Variants in WT1 observed in about 807,000 individuals in gnomAD.
WT1 encodes Wilms tumor protein.
WT1 carries 8 observed loss-of-function variants against 60.8 expected under a neutral mutation model. The observed-to-expected ratio is 0.13, with a 90% CI of 0.08 to 0.24. The LOEUF (loss-of-function observed/expected upper bound fraction) is 0.24. WT1 is among the 10% of genes least tolerant of loss of function. The pLI, the probability that WT1 is intolerant of heterozygous loss-of-function variation, is 1.00. For missense variants in WT1, 568 were observed against 711.8 expected (o/e 0.80, Z 2.30); for synonymous variants, 312 against 297.1 (o/e 1.05, Z -0.52).
At chr11:32,428,165 G>A (rs1025963913) in intron 2 of WT1, 107 bp from the exon 3 acceptor site, 1 of 1,105,356 alleles carries the variant, frequency 9.0e-7, no homozygotes, top group African/African-American at 1.6e-5. Flanking sequence ...CTGGGGCACT[G>A]GGGCCTGGAT....
At chr11:32,423,928 C>T (rs1041804897) in intron 3 of WT1, among the ~76,000 whole-genome samples, 3 of 152,008 alleles carry the variant, frequency 2.0e-5, no homozygotes, top group Admixed American at 6.5e-5. Context: ...TTTGGGAGGC[C>T]CAGGCGGGTG....
At chr11:32,408,759 G>T (rs977016168) in intron 5 of WT1, among the ~76,000 whole-genome samples, 4 of 152,114 alleles carry the variant, frequency 2.6e-5, no homozygotes, top group Non-Finnish European at 4.4e-5. Flanking sequence ...AGTCTGAGAA[G>T]AAAAGGGAGG....
intron 5 of WT1, among the ~76,000 whole-genome samples, chr11:32,406,272 A>G (rs1280946969): frequency 6.6e-6 from 1 of 152,112 alleles, no homozygotes; most frequent in African/African-American, 2.4e-5. Flanking sequence ...GTTCCACCTC[A>G]GATCGTCAGG....
chr11:32,400,388 G>A, intron 5 of WT1: 1 of 402,472 alleles, frequency 2.5e-6, no homozygotes, highest in Middle Eastern at 8.0e-4. Context: ...ACAGCTGCAG[G>A]TATCTCAGGA....
chr11:32,396,445 C>T (rs1341790107), intron 6 of WT1, 38 bp from the exon 7 acceptor site: 2 of 1,610,044 alleles, frequency 1.2e-6, no homozygotes, highest in Non-Finnish European at 1.7e-6. Flanking sequence ...GGCTTTAAGC[C>T]ACATGTGAAC....
At chr11:32,418,907 C>T (rs1371703642) in intron 3 of WT1, among the ~76,000 whole-genome samples, 1 of 152,186 alleles carries the variant, frequency 6.6e-6, no homozygotes, top group Non-Finnish European at 1.5e-5. Context: ...AGGAGGAAAT[C>T]AGATTCCAGG....
intron 5 of WT1, among the ~76,000 whole-genome samples, chr11:32,407,980 C>A (rs1301806651): frequency 6.6e-6 from 1 of 151,604 alleles, no homozygotes. Flanking sequence ...CCCAGCACTA[C>A]GGGAGGCTGA....
Position 32,394,931 on chromosome 11 carries a change from G to C in WT1, c.1264+1326C>G, listed in dbSNP as rs544737086. Among the ~76,000 whole-genome samples, 6 of 152,294 alleles carry C rather than the reference G, an allele frequency of 3.9e-5. No homozygotes were observed. The East Asian group carries it at 1.2e-3, about 29-fold the overall frequency. On this transcript the variant is annotated intron_variant, in intron 7 of 9. Transcript: ENST00000452863. ...TTATTCCCTTGCATTTTTCAGGCAGGACTTTACTTTCTCGTTTTCCTTATA... is the reference window on the plus strand; with the variant it reads ...TTATTCCCTTGCATTTTTCAGGCAGCACTTTACTTTCTCGTTTTCCTTATA...
intron 5 of WT1, among the ~76,000 whole-genome samples, chr11:32,415,644 T>C (rs1039840226): frequency 6.6e-6 from 1 of 152,046 alleles, no homozygotes; most frequent in Non-Finnish European, 1.5e-5. Context: ...CTAAACTCCG[T>C]CTCAAAAAGA....
At chr11:32,430,925 G>GCAGGGGC (rs1345089736) in intron 1 of WT1, 1 of 1,027,154 alleles carries the variant, frequency 9.7e-7, no homozygotes, top group Non-Finnish European at 1.2e-6. Context: ...GAGTGCGGGG[G>GCAGGGGC]CAGGGGCCAG....
chr11:32,397,017 T>C (rs1017889981), intron 6 of WT1, among the ~76,000 whole-genome samples: 4 of 152,186 alleles, frequency 2.6e-5, no homozygotes, highest in Non-Finnish European at 4.4e-5. Flanking sequence ...CAACCTTTAA[T>C]AGTGAGGCCA....
chr11:32,417,009 T>C (rs996414169), intron 4 of WT1, among the ~76,000 whole-genome samples: 1 of 152,194 alleles, frequency 6.6e-6, no homozygotes, highest in African/African-American at 2.4e-5. Flanking sequence ...TGAAAGCAAG[T>C]CCCACCTGCC....
At chr11:32,428,148 C>T in intron 2 of WT1, 90 bp from the exon 3 acceptor site, 1 of 1,241,028 alleles carries the variant, frequency 8.1e-7, no homozygotes, top group Non-Finnish European at 1.1e-6. Context: ...GACACGAGAT[C>T]CTGAGCCTGG....
rs370356248 is a variant in WT1 at position 32,416,079 on chromosome 11, G to C, written c.1016+411C>G. 2.3e-4 allele frequency among the ~76,000 whole-genome samples: 35 copies of C among 152,266 alleles called. No individual in the cohort carries two copies. In the East Asian group the frequency reaches 6.2e-3, roughly 27 times the overall value. On this transcript the variant is annotated intron_variant, in intron 5 of 9. Transcript: ENST00000452863. ...AAAAAACAAGTCTTTTCAAAGCCTGGCCTCAGACTTAGGGTAAGTTCTCCC... is the reference window on the plus strand; with the variant it reads ...AAAAAACAAGTCTTTTCAAAGCCTGCCCTCAGACTTAGGGTAAGTTCTCCC...
At chr11:32,398,544 C>T (rs916374747) in intron 6 of WT1, among the ~76,000 whole-genome samples, 1 of 152,188 alleles carries the variant, frequency 6.6e-6, no homozygotes, top group African/African-American at 2.4e-5. Context: ...GTTCACCATC[C>T]TCTGCCTCCC....
chr11:32,399,812 T>C, intron 6 of WT1, 136 bp downstream of exon 6: 1 of 924,134 alleles, frequency 1.1e-6, no homozygotes, highest in Non-Finnish European at 1.7e-6. Flanking sequence ...CGAGCAGGTG[T>C]CCCTGATGTT....
chr11:32,429,978 GA>G (rs71980595), intron 1 of WT1, among the ~76,000 whole-genome samples: 70 of 91,232 alleles, frequency 7.7e-4, no homozygotes, highest in African/African-American at 1.0e-3. Flanking sequence ...CCCCCGCCCA[GA>G]AAAAAAAAAA....
At chr11:32,427,723 A>C (rs2133071042) in intron 3 of WT1, among the ~76,000 whole-genome samples, 1 of 152,388 alleles carries the variant, frequency 6.6e-6, no homozygotes, top group Non-Finnish European at 1.5e-5. Context: ...CTCCTTCTTC[A>C]GCTCGAAAGA....
chr11:32,413,773 C>T (rs1186574840), intron 5 of WT1, among the ~76,000 whole-genome samples: 2 of 152,182 alleles, frequency 1.3e-5, no homozygotes, highest in African/African-American at 4.8e-5. Context: ...TGGGATCTCA[C>T]TGTAAAGGGT....
Sources: allele counts gnomAD v4.1 joint callset (sites outside exome capture counted in the v4.1 genomes callset), GRCh38; gene constraint gnomAD v4.1.1; transcripts MANE v1.5; gene names NCBI Gene and HGNC (gene_info 2026-07-23, HGNC 2026-07-21).